The following DNAH6 variants were observed in gnomAD, a reference collection of about 807,000 sequenced individuals.
DNAH6 encodes the protein axonemal beta dynein heavy chain 6.
In DNAH6, 340 loss-of-function variants were observed where a neutral mutation model predicts 491.4. The ratio of observed to expected loss-of-function variants is 0.69; its 90% CI spans 0.63 to 0.76. The LOEUF (loss-of-function observed/expected upper bound fraction) is 0.76. DNAH6 is among the 30% of genes least tolerant of loss of function. The probability of loss-of-function intolerance (pLI) is 0.00; values close to 1 mark genes in which losing one functional copy is unlikely to be tolerated. For missense variants in DNAH6, 4,443 were observed against 4,972.2 expected, an observed-to-expected ratio of 0.89 and a Z score of 3.20; for synonymous variants, 1,603 against 1,686.1, an observed-to-expected ratio of 0.95 and a Z score of 1.21.
At chr2:84,733,783 T>TTA (rs1475692683) in intron 62 of DNAH6, among the ~76,000 whole-genome samples, 6 of 149,932 alleles carry the variant, frequency 4.0e-5, no homozygotes, top group Admixed American at 2.7e-4. Flanking sequence ...CATGTTTACT[T>TTA]TATATATATG....
Position 84,584,220 on chromosome 2 carries a change from CGAAGTGAAT to C in DNAH6, c.2457_2465del (p.Asn820_Val822del). On this transcript the variant is annotated inframe_deletion, in exon 15 of 77. Transcript: ENST00000389394. ...GTAGTGATCTTGAAGAATTAAACAA[CGAAGTGAAT>C]GAAGTAAAACTGCAAGCACAGGTAA... 6.2e-7 allele frequency: 1 copy of C among 1,613,964 alleles called. No homozygotes were observed. The highest frequency in any genetic ancestry group is 8.5e-7 in the Non-Finnish European group (1 of 1,179,952).
chr2:84,812,926 A>G (rs140480984), intron 73 of DNAH6, 132 bp from the exon 74 acceptor site: 151 of 695,558 alleles, frequency 2.2e-4, no homozygotes, highest in Non-Finnish European at 2.6e-4. Flanking sequence ...AGGCAGTGAA[A>G]TGGGGGTGGT....
intron 64 of DNAH6, among the ~76,000 whole-genome samples, chr2:84,769,759 G>A (rs1315599092): frequency 6.6e-6 from 1 of 152,158 alleles, no homozygotes; most frequent in Non-Finnish European, 1.5e-5. Flanking sequence ...ACTGCCTCGT[G>A]GCCCAAGGGA....
At chr2:84,641,544 G>A (rs1246013700) in intron 32 of DNAH6, among the ~76,000 whole-genome samples, 1 of 152,158 alleles carries the variant, frequency 6.6e-6, no homozygotes, top group African/African-American at 2.4e-5. Flanking sequence ...GGAGGATAGA[G>A]GACAGGAGCT....
the DNAH6 span, among the ~76,000 whole-genome samples, chr2:84,483,140 G>T: frequency 6.6e-6 from 1 of 151,726 alleles, no homozygotes; most frequent in Non-Finnish European, 1.5e-5. Flanking sequence ...CTTTAATTTT[G>T]GGGGGTAGAT....
intron 40 of DNAH6, among the ~76,000 whole-genome samples, chr2:84,674,076 CG>C (rs1365713520): frequency 6.6e-6 from 1 of 152,086 alleles, no homozygotes; most frequent in Non-Finnish European, 1.5e-5. Flanking sequence ...AAGAAAAGGG[CG>C]GGGGGCATGT....
chr2:84,686,866 A>C (rs1192306), intron 44 of DNAH6, among the ~76,000 whole-genome samples: 2 of 151,988 alleles, frequency 1.3e-5, no homozygotes, highest in Non-Finnish European at 2.9e-5. Flanking sequence ...TTACTATCAG[A>C]CCCTTTACAG....
At chr2:84,598,465 T>C (rs1322199249) in intron 18 of DNAH6, among the ~76,000 whole-genome samples, 9 of 152,222 alleles carry the variant, frequency 5.9e-5, no homozygotes, top group Non-Finnish European at 1.0e-4. Flanking sequence ...AACTTTCATG[T>C]ACAGCTTTTT....
At chr2:84,711,020 G>C (rs530268694) in intron 56 of DNAH6, among the ~76,000 whole-genome samples, 2 of 152,248 alleles carry the variant, frequency 1.3e-5, no homozygotes, top group Admixed American at 6.5e-5. Context: ...TGTGGTTTCT[G>C]TTCTCAATAG....
intron 60 of DNAH6, among the ~76,000 whole-genome samples, chr2:84,724,628 T>C (rs1281132331): frequency 6.6e-6 from 1 of 152,214 alleles, no homozygotes; most frequent in Non-Finnish European, 1.5e-5. Flanking sequence ...CAAAGCCTGC[T>C]GCTGGGACTG....
At chr2:84,668,765 T>C (rs1444584857) in intron 37 of DNAH6, among the ~76,000 whole-genome samples, 1 of 151,832 alleles carries the variant, frequency 6.6e-6, no homozygotes, top group African/African-American at 2.4e-5. Context: ...CCTGAATCTC[T>C]AGCCATCACC....
At chr2:84,803,438 C>G (rs542669668) in intron 70 of DNAH6, among the ~76,000 whole-genome samples, 3 of 152,150 alleles carry the variant, frequency 2.0e-5, no homozygotes, top group Non-Finnish European at 2.9e-5. Flanking sequence ...CACGTGTACC[C>G]TCTGAATCTA....
At chr2:84,558,928 A>G (rs1034203009) in intron 11 of DNAH6, among the ~76,000 whole-genome samples, 3 of 152,182 alleles carry the variant, frequency 2.0e-5, no homozygotes, top group Non-Finnish European at 4.4e-5. Context: ...CCAAAATGAT[A>G]CTGTAATTTT....
chr2:84,613,855 T>TC (rs1234197612), intron 22 of DNAH6, among the ~76,000 whole-genome samples: 7 of 151,982 alleles, frequency 4.6e-5, no homozygotes, highest in Admixed American at 1.3e-4. Flanking sequence ...CTTAGTCAAT[T>TC]CCCCCCATTT....
At chr2:84,737,366 C>T (rs1699606275) in intron 62 of DNAH6, among the ~76,000 whole-genome samples, 2 of 152,028 alleles carry the variant, frequency 1.3e-5, no homozygotes, top group African/African-American at 4.8e-5. Context: ...AGGAGTCCCT[C>T]CTCCTCAATT....
chr2:84,718,273 T>G lies in DNAH6; in HGVS notation c.9681T>G (p.Thr3227=), dbSNP rs1461821216. The part of the protein sequence containing the change: ...QRIKLIVRIN[T]DKNQLKTIEE... ...TTAAGCTCATCGTGAGGATCAACACTGATAAAAACCAGTTGAAAACTATCG... is the reference window on the plus strand; with the variant it reads ...TTAAGCTCATCGTGAGGATCAACACGGATAAAAACCAGTTGAAAACTATCG... The change falls in exon 59 of 77, where the codon ACT becomes ACG. Residue 3227 remains threonine, a synonymous_variant. Coordinates refer to ENST00000389394, the MANE Select transcript of DNAH6 (RefSeq NM_001370.2). The G allele has an allele frequency of 6.4e-7, 1 of 1,551,344 alleles. No homozygotes were observed. Among genetic ancestry groups the G allele is most frequent in the Non-Finnish European group, 8.7e-7 (1 of 1,146,882 alleles).
intron 63 of DNAH6, 58 bp from the exon 64 acceptor site, chr2:84,762,697 G>A (rs1674703386): frequency 3.8e-6 from 5 of 1,304,114 alleles, no homozygotes; most frequent in Non-Finnish European, 5.3e-6. Context: ...GAGAAAATTA[G>A]GATAAAATTA....
chr2:84,583,212 G>T (rs1293634447), intron 14 of DNAH6, among the ~76,000 whole-genome samples: 1 of 152,200 alleles, frequency 6.6e-6, no homozygotes, highest in Non-Finnish European at 1.5e-5. Context: ...ATAGATCTGG[G>T]TTCTTAACCT....
intron 63 of DNAH6, among the ~76,000 whole-genome samples, chr2:84,747,593 C>A (rs1246107707): frequency 6.6e-6 from 1 of 152,152 alleles, no homozygotes; most frequent in Non-Finnish European, 1.5e-5. Context: ...TTATGGCTTT[C>A]CCAGACTGAG....
Sources: allele counts gnomAD v4.1 joint callset (sites outside exome capture counted in the v4.1 genomes callset), GRCh38; gene constraint gnomAD v4.1.1; transcripts MANE v1.5; gene names NCBI Gene and HGNC (gene_info 2026-07-23, HGNC 2026-07-21).